The following HERC3 variants were observed in gnomAD, a reference collection of about 807,000 sequenced individuals.
The protein encoded by HERC3 is probable E3 ubiquitin-protein ligase HERC3.
In HERC3, 58 loss-of-function variants were observed where a neutral mutation model predicts 129.9. The ratio of observed to expected loss-of-function variants is 0.45; its 90% CI spans 0.36 to 0.56. The LOEUF is 0.56. HERC3 is among the 20% of genes least tolerant of loss of function. The pLI is 0.00. For synonymous variants in HERC3, 430 were observed against 451.0 expected (o/e 0.95, Z 0.59); for missense variants, 835 against 1,244.2 (o/e 0.67, Z 4.95).
At chr4:88,613,829 A>G (rs891440578) in intron 3 of HERC3, among the ~76,000 whole-genome samples, 1 of 152,170 alleles carries the variant, frequency 6.6e-6, no homozygotes, top group Non-Finnish European at 1.5e-5. Flanking sequence ...TTTGGTGATA[A>G]TGGTTATAAT....
chr4:88,565,389 A>G, the HERC3 span, among the ~76,000 whole-genome samples: 162 of 152,166 alleles, frequency 1.1e-3, no homozygotes, highest in Non-Finnish European at 1.9e-3. Context: ...AGCTATAATA[A>G]TGTTTGCTTT....
At chr4:88,637,150 G>T (rs1238843747) in intron 3 of HERC3, among the ~76,000 whole-genome samples, 1 of 151,240 alleles carries the variant, frequency 6.6e-6, no homozygotes, top group East Asian at 2.0e-4. Context: ...AACAGGCCAG[G>T]CATGGTGGCT....
intron 8 of HERC3, among the ~76,000 whole-genome samples, chr4:88,655,645 A>T (rs1314380147): frequency 6.6e-6 from 1 of 152,196 alleles, no homozygotes; most frequent in Non-Finnish European, 1.5e-5. Flanking sequence ...TAGAGGCCAC[A>T]TGCAGTAGAT....
chr4:88,530,700 G>A, the HERC3 span, among the ~76,000 whole-genome samples: 1 of 152,176 alleles, frequency 6.6e-6, no homozygotes, highest in South Asian at 2.1e-4. Flanking sequence ...GTGGACTTGA[G>A]TAAATATTGT....
At chr4:88,562,719 T>C in the HERC3 span, among the ~76,000 whole-genome samples, 1 of 152,238 alleles carries the variant, frequency 6.6e-6, no homozygotes, top group East Asian at 1.9e-4. Context: ...CTTCTGCATA[T>C]GGATATCCAG....
intron 23 of HERC3, among the ~76,000 whole-genome samples, chr4:88,698,356 A>T (rs1316501237): frequency 6.6e-6 from 1 of 151,530 alleles, no homozygotes; most frequent in African/African-American, 2.4e-5. Flanking sequence ...CTCTGTACCT[A>T]TGTGTCCACC....
At chr4:88,613,293 C>CT (rs1487370115) in intron 3 of HERC3, among the ~76,000 whole-genome samples, 1 of 152,206 alleles carries the variant, frequency 6.6e-6, no homozygotes, top group Non-Finnish European at 1.5e-5. Context: ...CTGTGCAACT[C>CT]TATTTGATTC....
chr4:88,584,919 T>C, the HERC3 span, among the ~76,000 whole-genome samples: 1 of 152,358 alleles, frequency 6.6e-6, no homozygotes, highest in South Asian at 2.1e-4. Context: ...ATTTCACCCA[T>C]AAAGGTTGTG....
intron 23 of HERC3, chr4:88,690,686 C>CT: frequency 1.3e-6 from 1 of 754,090 alleles, no homozygotes. Context: ...CTTATTACTC[C>CT]TTTTCATATC....
At chr4:88,673,822 C>G (rs147537875) in intron 16 of HERC3, among the ~76,000 whole-genome samples, 1 of 152,226 alleles carries the variant, frequency 6.6e-6, no homozygotes, top group African/African-American at 2.4e-5. Context: ...TATAAGCAGA[C>G]CTTTGCTACA....
chr4:88,692,666 C>T (rs557923811), intron 23 of HERC3, among the ~76,000 whole-genome samples: 2 of 152,168 alleles, frequency 1.3e-5, no homozygotes, highest in South Asian at 4.1e-4. Flanking sequence ...ATGCATCAGA[C>T]ACTATTTGAA....
the HERC3 span, among the ~76,000 whole-genome samples, chr4:88,526,233 A>C: frequency 6.6e-6 from 1 of 152,234 alleles, no homozygotes; most frequent in Non-Finnish European, 1.5e-5. Context: ...AATTTTTCTA[A>C]TTTCCAATAT....
Position 88,649,988 on chromosome 4 carries a change from G to A in HERC3, c.375G>A (p.Val125=). The A allele has an allele frequency of 6.2e-7, 1 of 1,613,762 alleles. No individual in the cohort carries two copies. The highest frequency in any genetic ancestry group is 8.5e-7 in the Non-Finnish European group (1 of 1,179,826). ...GACTCATGACTACTGAGGATTCTGT[G>A]GCAGTGCCCAGGTAAGAAGGTTTTC... is the stretch of plus-strand genomic sequence containing the variant. ...QLGLMTTEDS[V]AVPRLIQKLN... is the part of the protein sequence containing the mutation. The change falls in exon 4 of 26, where the codon GTG becomes GTA. Residue 125 remains valine, a synonymous_variant. Coordinates refer to ENST00000402738, the MANE Select transcript of HERC3 (RefSeq NM_014606.3).
the HERC3 span, among the ~76,000 whole-genome samples, chr4:88,548,531 C>A: frequency 6.6e-6 from 1 of 151,968 alleles, no homozygotes. Context: ...ATCCTTTGCA[C>A]GTTTTTCAAT....
intron 3 of HERC3, among the ~76,000 whole-genome samples, chr4:88,624,834 C>T (rs537685566): frequency 6.6e-6 from 1 of 152,084 alleles, no homozygotes; most frequent in East Asian, 1.9e-4. Flanking sequence ...TATAGTTTAG[C>T]TCTTACATTT....
intron 3 of HERC3, among the ~76,000 whole-genome samples, chr4:88,622,581 C>T (rs1035705771): frequency 6.6e-6 from 1 of 152,152 alleles, no homozygotes; most frequent in Non-Finnish European, 1.5e-5. Flanking sequence ...AAAGTGATTG[C>T]ACCATTTTAA....
chr4:88,586,343 CT>C, the HERC3 span, among the ~76,000 whole-genome samples: 23,853 of 142,434 alleles, frequency 0.17, 2,000 homozygotes, highest in East Asian at 0.21. Context: ...GAATAAGCCA[CT>C]TTTTTTTTTT....
chr4:88,595,287 T>C (rs1432237221), intron 1 of HERC3, among the ~76,000 whole-genome samples: 2 of 152,156 alleles, frequency 1.3e-5, no homozygotes, highest in Admixed American at 6.5e-5. Context: ...TACTACTCCC[T>C]ATCAAATGTC....
intron 3 of HERC3, among the ~76,000 whole-genome samples, chr4:88,628,487 ACT>A (rs1294665733): frequency 1.3e-5 from 2 of 151,322 alleles, no homozygotes; most frequent in East Asian, 1.9e-4. Context: ...ATCCAACCTG[ACT>A]CTCTCTTTTC....
Sources: allele counts gnomAD v4.1 joint callset (sites outside exome capture counted in the v4.1 genomes callset), GRCh38; gene constraint gnomAD v4.1.1; transcripts MANE v1.5; gene names NCBI Gene and HGNC (gene_info 2026-07-23, HGNC 2026-07-21).